Variants in TPD52 observed in about 807,000 individuals in gnomAD.
TPD52 encodes tumor protein D52, also known as prostate and colon associated protein.
In TPD52, 17 loss-of-function variants were observed where a neutral mutation model predicts 31.3. That is an observed-to-expected ratio of 0.54 (90% CI 0.37 to 0.82). The LOEUF (loss-of-function observed/expected upper bound fraction) is 0.82. Ranked by LOEUF, TPD52 falls within the 40% of genes least tolerant of loss-of-function variation. The probability of loss-of-function intolerance (pLI) is 0.00; values close to 1 mark genes in which losing one functional copy is unlikely to be tolerated. For synonymous variants in TPD52, 83 were observed against 89.6 expected (o/e 0.93, Z 0.42); for missense variants, 212 against 240.1 (o/e 0.88, Z 0.77).
intron 1 of TPD52, chr8:80,119,762 GTCCAGAAATAGA>G (rs1209396093): frequency 6.0e-6 from 2 of 333,056 alleles, no homozygotes; most frequent in African/African-American, 4.5e-5. Flanking sequence ...TTTGAAACAA[GTCCAGAAATAGA>G]TCCACAAATA....
intron 1 of TPD52, among the ~76,000 whole-genome samples, chr8:80,116,979 A>G (rs1807908120): frequency 6.6e-6 from 1 of 152,194 alleles, no homozygotes; most frequent in African/African-American, 2.4e-5. Context: ...AACACTCAAC[A>G]AACTAGGAAT....
downstream of TPD52, among the ~76,000 whole-genome samples, chr8:80,033,757 TC>T (rs1160485345): frequency 2.0e-5 from 3 of 152,122 alleles, no homozygotes; most frequent in Admixed American, 6.5e-5. Context: ...CCCAAAGTGG[TC>T]CTTTCTGCAG....
At chr8:80,090,161 GC>G (rs1297178545) in intron 1 of TPD52, among the ~76,000 whole-genome samples, 1 of 152,208 alleles carries the variant, frequency 6.6e-6, no homozygotes, top group East Asian at 1.9e-4. Flanking sequence ...GGAGGCTGAG[GC>G]AGGAGGATAG....
intron 1 of TPD52, among the ~76,000 whole-genome samples, chr8:80,075,822 A>T (rs1814469475): frequency 6.6e-6 from 1 of 152,338 alleles, no homozygotes; most frequent in East Asian, 1.9e-4. Context: ...TCCAGTTTTT[A>T]TTTTGTAAAC....
chr8:80,039,208 T>A (rs1810144919), intron 7 of TPD52, among the ~76,000 whole-genome samples: 1 of 152,252 alleles, frequency 6.6e-6, no homozygotes, highest in Admixed American at 6.5e-5. Flanking sequence ...GTGTTCATTG[T>A]TTATTAAATT....
At chr8:80,147,337 G>A (rs915725100) in intron 1 of TPD52, among the ~76,000 whole-genome samples, 1 of 152,104 alleles carries the variant, frequency 6.6e-6, no homozygotes, top group African/African-American at 2.4e-5. Context: ...GGAGAATGAG[G>A]TTCCGGGAAC....
chr8:80,064,343 C>T, intron 2 of TPD52, 135 bp downstream of exon 2: 1 of 722,432 alleles, frequency 1.4e-6, no homozygotes, highest in Non-Finnish European at 2.4e-6. Context: ...CTACTCAAGA[C>T]CTGCTGGAGA....
At chr8:80,158,929 G>A (rs1399101410) in intron 1 of TPD52, 1 of 117,408 alleles carries the variant, frequency 8.5e-6, no homozygotes, top group African/African-American at 3.9e-5. Context: ...GGGCGACAGA[G>A]CGAGACTCCG....
At chr8:80,119,269 G>C (rs966212930) in intron 1 of TPD52, among the ~76,000 whole-genome samples, 2 of 152,260 alleles carry the variant, frequency 1.3e-5, no homozygotes, top group Admixed American at 1.3e-4. Context: ...GTAAGGAAGT[G>C]GGGAGAGGAA....
intron 1 of TPD52, among the ~76,000 whole-genome samples, chr8:80,155,222 T>C (rs1270927376): frequency 6.6e-6 from 1 of 152,158 alleles, no homozygotes; most frequent in African/African-American, 2.4e-5. Flanking sequence ...AAACAGCAAA[T>C]TTAATCAATA....
At chr8:80,134,434 G>A (rs1474714544) in intron 1 of TPD52, among the ~76,000 whole-genome samples, 1 of 152,134 alleles carries the variant, frequency 6.6e-6, no homozygotes, top group Non-Finnish European at 1.5e-5. Context: ...ATAATTCTCT[G>A]AACTAGGCAT....
intron 7 of TPD52, chr8:80,042,046 G>T (rs1305364486): frequency 2.9e-5 from 11 of 385,550 alleles, no homozygotes; most frequent in Non-Finnish European, 3.9e-5. Flanking sequence ...CCAAGATCAC[G>T]CCACTGCACT....
chr8:80,171,479 C>G lies in TPD52; in HGVS notation c.-36G>C, dbSNP rs1347724313. 1 of 1,562,400 alleles carries G rather than the reference C, an allele frequency of 6.4e-7. No individual in the cohort carries two copies. Among genetic ancestry groups the G allele is most frequent in the Admixed American group, 1.8e-5 (1 of 56,204 alleles). ...CGCCGCCTCGTGTCCTCTGCAGCACCCCCGCCTGCAGCCCGTCCCGGCTCG... is the reference window on the plus strand; with the variant it reads ...CGCCGCCTCGTGTCCTCTGCAGCACGCCCGCCTGCAGCCCGTCCCGGCTCG... On this transcript the variant is annotated 5_prime_UTR_variant, in exon 1 of 8. Transcript: ENST00000518937.
Position 80,113,638 on chromosome 8 carries a change from T to A in TPD52, c.20-49045A>T, listed in dbSNP as rs114610481. ...ATCCTGTCATTCACAGCAATATGGA[T>A]GAGCCTGGAGGACATTATGATAAGC... is the stretch of plus-strand genomic sequence containing the variant. On this transcript the variant is annotated intron_variant, in intron 1 of 7. Coordinates refer to ENST00000518937, the MANE Select transcript of TPD52 (RefSeq NM_001025253.3). Among the ~76,000 whole-genome samples the A allele has an allele frequency of 5.6e-3, 854 of 152,324 alleles. 9 individuals are homozygous for A. Among genetic ancestry groups the A allele is most frequent in the African/African-American group, 0.019 (809 of 41,576 alleles).
chr8:80,096,142 C>T (rs1189096678), intron 1 of TPD52, among the ~76,000 whole-genome samples: 1 of 152,152 alleles, frequency 6.6e-6, no homozygotes, highest in Non-Finnish European at 1.5e-5. Flanking sequence ...TGCAGTCCCA[C>T]CTGCTGAAGA....
At chr8:80,053,125 A>T in intron 3 of TPD52, 157 bp downstream of exon 3, 1 of 714,980 alleles carries the variant, frequency 1.4e-6, no homozygotes, top group South Asian at 2.8e-5. Context: ...TTACAAAAAA[A>T]GGCAGGCACA....
chr8:80,159,608 G>T (rs188027692), intron 1 of TPD52, among the ~76,000 whole-genome samples: 2 of 152,122 alleles, frequency 1.3e-5, no homozygotes, highest in Admixed American at 6.5e-5. Flanking sequence ...CATTTGTAAC[G>T]TAGGGATACT....
chr8:80,171,361 C>G, intron 1 of TPD52, 64 bp downstream of exon 1: 1 of 1,584,468 alleles, frequency 6.3e-7, no homozygotes, highest in Non-Finnish European at 8.6e-7. Flanking sequence ...CCGCGCCGAG[C>G]CAAAGCCCGA....
At chr8:80,066,285 A>G (rs1433789810) in intron 1 of TPD52, among the ~76,000 whole-genome samples, 8 of 152,216 alleles carry the variant, frequency 5.3e-5, no homozygotes, top group Admixed American at 4.6e-4. Flanking sequence ...ACTGATTAAT[A>G]GCAGTTAATA....
Sources: gnomAD v4.1 joint callset for allele counts (sites outside exome capture counted in the v4.1 genomes callset) on GRCh38, gnomAD v4.1.1 for gene constraint, MANE v1.5 for transcripts, NCBI Gene and HGNC (gene_info 2026-07-23, HGNC 2026-07-21) for gene names.